Variants in GRM3 observed in about 807,000 individuals in gnomAD.
The protein encoded by GRM3 is glutamate metabotropic receptor 3, also known as metabotropic glutamate receptor 3.
A neutral mutation model predicts 70.5 loss-of-function variants in GRM3; 26 were observed. The observed-to-expected ratio is 0.37, with a 90% CI of 0.27 to 0.51. GRM3 has a LOEUF of 0.51. Among genes scored for constraint, GRM3 ranks in the 20% least tolerant of loss-of-function variants. The pLI is 0.93. For synonymous variants in GRM3, 443 were observed against 434.9 expected, an observed-to-expected ratio of 1.02 and a Z score of -0.23; for missense variants, 859 against 1,123.8, an observed-to-expected ratio of 0.76 and a Z score of 3.37.
intron 3 of GRM3, among the ~76,000 whole-genome samples, chr7:86,826,239 G>T (rs1339048933): frequency 1.3e-5 from 2 of 152,164 alleles, no homozygotes. Context: ...TTGTGCTGGG[G>T]ATAGAAATTA....
chr7:86,747,178 A>T (rs1223926615), intron 1 of GRM3, among the ~76,000 whole-genome samples: 1 of 152,126 alleles, frequency 6.6e-6, no homozygotes, highest in Non-Finnish European at 1.5e-5. Flanking sequence ...TGAGCCATGC[A>T]GCGAAGTTAG....
chr7:86,688,682 T>C (rs1036810827), intron 1 of GRM3, among the ~76,000 whole-genome samples: 4 of 149,856 alleles, frequency 2.7e-5, no homozygotes, highest in African/African-American at 9.7e-5. Flanking sequence ...CTCTTTACCA[T>C]GTATATCATA....
intron 1 of GRM3, among the ~76,000 whole-genome samples, chr7:86,758,986 A>T (rs1191888257): frequency 3.3e-5 from 5 of 152,096 alleles, no homozygotes; most frequent in African/African-American, 1.2e-4. Context: ...ATTAATTCCC[A>T]TGATTTGACC....
At chr7:86,684,003 C>G (rs1794503041) in intron 1 of GRM3, among the ~76,000 whole-genome samples, 1 of 152,094 alleles carries the variant, frequency 6.6e-6, no homozygotes, top group African/African-American at 2.4e-5. Context: ...ATATCTCAAT[C>G]AAGGTATGTA....
intron 3 of GRM3, among the ~76,000 whole-genome samples, chr7:86,810,060 A>G (rs1351132169): frequency 6.6e-6 from 1 of 152,058 alleles, no homozygotes; most frequent in Non-Finnish European, 1.5e-5. Flanking sequence ...TGTAAAATGT[A>G]GTAAACTCTA....
chr7:86,792,129 G>A (rs1003641306), intron 3 of GRM3, among the ~76,000 whole-genome samples: 1 of 152,168 alleles, frequency 6.6e-6, no homozygotes, highest in African/African-American at 2.4e-5. Flanking sequence ...ATATCACTGT[G>A]ATTGTGTTCA....
At chr7:86,811,102 A>G (rs1316593634) in intron 3 of GRM3, among the ~76,000 whole-genome samples, 1 of 151,948 alleles carries the variant, frequency 6.6e-6, no homozygotes, top group Non-Finnish European at 1.5e-5. Flanking sequence ...AACATCAGGT[A>G]AAAAGTAGGG....
chr7:86,723,600 T>C (rs1795524777), intron 1 of GRM3, among the ~76,000 whole-genome samples: 1 of 152,166 alleles, frequency 6.6e-6, no homozygotes, highest in East Asian at 1.9e-4. Flanking sequence ...AACTAAAATA[T>C]ATTTGCAGCT....
At chr7:86,676,899 G>T (rs776882663) in intron 1 of GRM3, among the ~76,000 whole-genome samples, 1 of 151,900 alleles carries the variant, frequency 6.6e-6, no homozygotes, top group Non-Finnish European at 1.5e-5. Flanking sequence ...CAAATTAGAG[G>T]ATTGAATATA....
intron 1 of GRM3, among the ~76,000 whole-genome samples, chr7:86,679,592 T>A (rs148595795): frequency 0.02 from 3,025 of 152,084 alleles, 103 homozygotes; most frequent in African/African-American, 0.069. Flanking sequence ...GAGAGATCTC[T>A]TTATTATGTA....
intron 5 of GRM3, among the ~76,000 whole-genome samples, chr7:86,860,985 T>A (rs1210952824): frequency 6.6e-6 from 1 of 152,178 alleles, no homozygotes; most frequent in African/African-American, 2.4e-5. Flanking sequence ...CTGTGACACA[T>A]TATTCCTCTT....
In GRM3 at chr7:86,786,256, C is replaced by T; in HGVS notation, c.469-5C>T. ...TAACAAAGGTCCTTCTTCTCCCTCC[C>T]CTAGGTGGCAAACCTGCTGCGGCTC... On this transcript the variant is annotated splice_polypyrimidine_tract_variant and splice_region_variant and intron_variant, in intron 2 of 5. Coordinates refer to ENST00000361669, the MANE Select transcript of GRM3 (RefSeq NM_000840.3). This position sits in a 1 kb window ranked among gnomAD's most constrained non-coding sequence, Gnocchi z 6.0. 1 of 1,608,346 alleles carries T rather than the reference C, an allele frequency of 6.2e-7. No homozygotes were observed. The highest frequency in any genetic ancestry group is 8.5e-7 in the Non-Finnish European group (1 of 1,176,530).
At chr7:86,711,694 T>C (rs541726014) in intron 1 of GRM3, among the ~76,000 whole-genome samples, 3 of 152,192 alleles carry the variant, frequency 2.0e-5, no homozygotes, top group East Asian at 3.9e-4. Context: ...GTTAATTAAT[T>C]ACACATAATT....
At chr7:86,809,365 A>T (rs1034161443) in intron 3 of GRM3, among the ~76,000 whole-genome samples, 4 of 152,112 alleles carry the variant, frequency 2.6e-5, no homozygotes, top group African/African-American at 7.2e-5. Context: ...ATTGTGGATC[A>T]TGTTTTAAAA....
intron 1 of GRM3, among the ~76,000 whole-genome samples, chr7:86,668,541 A>G (rs1161717060): frequency 1.3e-5 from 2 of 152,076 alleles, no homozygotes; most frequent in Non-Finnish European, 2.9e-5. Flanking sequence ...AGCTACCACA[A>G]CTTCATATAA....
At chr7:86,749,110 C>G (rs1181505950) in intron 1 of GRM3, among the ~76,000 whole-genome samples, 1 of 152,034 alleles carries the variant, frequency 6.6e-6, no homozygotes, top group Non-Finnish European at 1.5e-5. Context: ...TGATATTTCA[C>G]ATGTAAAAAA....
At chr7:86,714,773 T>C (rs928433534) in intron 1 of GRM3, among the ~76,000 whole-genome samples, 1 of 152,050 alleles carries the variant, frequency 6.6e-6, no homozygotes, top group Non-Finnish European at 1.5e-5. Context: ...AAAATATTTT[T>C]GCTGCTACAG....
Position 86,658,643 on chromosome 7 carries a change from A to G in GRM3, c.-141+13771A>G, listed in dbSNP as rs961868782. ...GCCTGCTCACTTACAGGTGTATATT[A>G]CCCAGCAAAGTAAGTACTGCATACA... is the stretch of plus-strand genomic sequence containing the variant. On this transcript the variant is annotated intron_variant, in intron 1 of 5. Transcript: ENST00000361669. Among the ~76,000 whole-genome samples the G allele has an allele frequency of 4.6e-5, 7 of 152,272 alleles. No homozygotes were observed. In the East Asian group the frequency reaches 1.4e-3, roughly 29 times the overall value.
intron 4 of GRM3, among the ~76,000 whole-genome samples, chr7:86,841,246 A>C (rs1270408247): frequency 6.6e-6 from 1 of 152,200 alleles, no homozygotes; most frequent in African/African-American, 2.4e-5. Flanking sequence ...TATTCGCTGT[A>C]AATTATTCAC....
Sources: allele counts gnomAD v4.1 joint callset (sites outside exome capture counted in the v4.1 genomes callset), GRCh38; gene constraint gnomAD v4.1.1; non-coding constraint Gnocchi (gnomAD v3.1); transcripts MANE v1.5; gene names NCBI Gene and HGNC (gene_info 2026-07-23, HGNC 2026-07-21).